The following NF1 variants were observed in gnomAD, a reference collection of about 807,000 sequenced individuals.
NF1 encodes the protein neurofibromin 1.
Under a neutral mutation model 325.7 loss-of-function variants are expected in NF1, and 122 were observed. That is an observed-to-expected ratio of 0.37 (90% confidence interval 0.32 to 0.44). The LOEUF (loss-of-function observed/expected upper bound fraction) is 0.44. Ranked by LOEUF, NF1 falls within the 20% of genes least tolerant of loss-of-function variation. NF1 has a pLI of 1.00. For synonymous variants in NF1, 1,091 were observed against 1,186.0 expected, an observed-to-expected ratio of 0.92 and a Z score of 1.65; for missense variants, 2,140 against 3,415.4, an observed-to-expected ratio of 0.63 and a Z score of 9.31.
At position 31,232,043 on chromosome 17, in the gene NF1, A is replaced by ATTTT. The variant is rs371047262; in HGVS notation, c.3198-7_3198-4dup. 1,698 of 589,480 alleles carry ATTTT rather than the reference A, an allele frequency of 2.9e-3. 16 individuals carry two copies. The highest frequency in any genetic ancestry group is 8.5e-3 in the South Asian group (385 of 45,250). The allele number at this position is 589,480 out of a possible 1,614,324, so 36.5% of individuals were successfully genotyped here. A position where few individuals can be genotyped will look rare whatever the true frequency, so the allele number is the denominator to read the frequency against. The stretch of plus-strand genomic sequence containing the variant: ...AACTTGAAAGATTCATGGTCTCTAA[A>ATTTT]TTTTTTTTTTTTTTTTTTTTTTTTT... On this transcript the variant is annotated intron_variant, in intron 24 of 57. Coordinates refer to ENST00000358273, the MANE Select transcript of NF1 (RefSeq NM_001042492.3).
chr17:31,096,971 A>G (rs1123232), intron 1 of NF1, among the ~76,000 whole-genome samples: 82,235 of 152,130 alleles, frequency 0.54, 25,966 homozygotes, highest in Middle Eastern at 0.76. Flanking sequence ...TAAAAGGCAC[A>G]TAGAAGACTT....
rs760285627 is a variant in NF1, at chr17:31,375,129, T to A, written c.*974T>A. The stretch of plus-strand genomic sequence containing the variant: ...CCCAGAAGGTAATTTTCATAGATGT[T>A]TGCATTAGCTCCATAGCAAAATGGA... On this transcript the variant is annotated 3_prime_UTR_variant, in exon 58 of 58. Transcript: ENST00000358273. 1.8e-5 allele frequency: 4 copies of A among 218,292 alleles called. No homozygotes were observed. The highest frequency in any genetic ancestry group is 3.7e-5 in the Non-Finnish European group (4 of 108,396). The allele number at this position is 218,292 out of a possible 1,614,324, so 13.5% of individuals were successfully genotyped here. A position where few individuals can be genotyped will look rare whatever the true frequency, so the allele number is the denominator to read the frequency against.
At chr17:31,250,194 A>T (rs971934968) in intron 30 of NF1, 7 of 325,744 alleles carry the variant, frequency 2.1e-5, no homozygotes, top group Non-Finnish European at 4.2e-5. Context: ...CTGCCTTTAC[A>T]AAAAGGCTCA....
At chr17:31,344,014 A>G (rs2069902811) in intron 48 of NF1, among the ~76,000 whole-genome samples, 1 of 152,082 alleles carries the variant, frequency 6.6e-6, no homozygotes, top group Admixed American at 6.6e-5. Context: ...GAGTCTGATA[A>G]TAGCTATATT....
Position 31,161,773 on chromosome 17 carries a change from C to T in NF1, c.289-1413C>T, listed in dbSNP as rs144655217. Among the ~76,000 whole-genome samples the T allele has an allele frequency of 1.3e-3, 191 of 152,258 alleles. 1 individual carries two copies. The highest frequency in any genetic ancestry group is 4.3e-3 in the African/African-American group (177 of 41,566). On this transcript the variant is annotated intron_variant, in intron 3 of 57. Coordinates refer to ENST00000358273, the MANE Select transcript of NF1 (RefSeq NM_001042492.3). ...TATACAGGCCGGGCACCATGGCTCA[C>T]GCCTGGAATCCCAGCACTTTGGGAG...
intron 8 of NF1, among the ~76,000 whole-genome samples, chr17:31,190,547 T>G (rs1370408479): frequency 6.6e-6 from 1 of 152,264 alleles, no homozygotes; most frequent in African/African-American, 2.4e-5. Flanking sequence ...GGTAACATTC[T>G]GTTACACTAA....
intron 36 of NF1, among the ~76,000 whole-genome samples, chr17:31,279,432 A>G (rs1298772056): frequency 1.3e-5 from 2 of 152,190 alleles, no homozygotes; most frequent in Admixed American, 6.5e-5. Context: ...CATTTAAAAC[A>G]TTTTAGTAGT....
intron 12 of NF1, among the ~76,000 whole-genome samples, chr17:31,212,515 C>T (rs1472623586): frequency 6.6e-6 from 1 of 152,152 alleles, no homozygotes; most frequent in Non-Finnish European, 1.5e-5. Flanking sequence ...CGAGACCAGC[C>T]TGGCCAACAT....
intron 25 of NF1, 89 bp from the exon 26 acceptor site, chr17:31,232,611 C>T: frequency 8.0e-7 from 1 of 1,251,578 alleles, no homozygotes; most frequent in Non-Finnish European, 1.2e-6. Flanking sequence ...CCATTCACAC[C>T]ATGCACATAT....
intron 36 of NF1, among the ~76,000 whole-genome samples, chr17:31,288,170 T>A (rs1288470332): frequency 6.6e-6 from 1 of 152,064 alleles, no homozygotes; most frequent in Non-Finnish European, 1.5e-5. Context: ...AAATTTAGAT[T>A]CAGAATCTCA....
chr17:31,261,382 A>C (rs2067683308), intron 34 of NF1, among the ~76,000 whole-genome samples: 1 of 152,224 alleles, frequency 6.6e-6, no homozygotes, highest in South Asian at 2.1e-4. Flanking sequence ...AAAGGGACCA[A>C]ATTCCTATGT....
At chr17:31,101,057 T>TG (rs60527146) in intron 1 of NF1, among the ~76,000 whole-genome samples, 3,549 of 152,014 alleles carry the variant, frequency 0.023, 139 homozygotes, top group African/African-American at 0.08. Flanking sequence ...TCTCTCTCTG[T>TG]GGACCAGTCT....
At chr17:31,362,465 C>T in intron 57 of NF1, 1 of 471,258 alleles carries the variant, frequency 2.1e-6, no homozygotes, top group Non-Finnish European at 2.8e-6. Flanking sequence ...AGAACCAAGG[C>T]CAGGCCCTTT....
chr17:31,129,499 A>T (rs1915171272), intron 1 of NF1, among the ~76,000 whole-genome samples: 1 of 145,834 alleles, frequency 6.9e-6, no homozygotes, highest in Non-Finnish European at 1.5e-5. Flanking sequence ...ACACGATCTC[A>T]GCTCACTGCA....
chr17:31,179,551 C>T (rs2066086874), intron 5 of NF1, among the ~76,000 whole-genome samples: 1 of 152,070 alleles, frequency 6.6e-6, no homozygotes, highest in Non-Finnish European at 1.5e-5. Flanking sequence ...AAAAACCTTT[C>T]AAAAAATCAA....
chr17:31,302,660 T>A (rs1444024845), intron 36 of NF1, among the ~76,000 whole-genome samples: 1 of 151,210 alleles, frequency 6.6e-6, no homozygotes, highest in African/African-American at 2.4e-5. Context: ...GCCAATATGG[T>A]GAAACCCCAT....
Position 31,219,797 on chromosome 17 carries a change from C to G in NF1, c.1641+679C>G, listed in dbSNP as rs1448671089. On this transcript the variant is annotated intron_variant, in intron 14 of 57. Coordinates refer to ENST00000358273, the MANE Select transcript of NF1 (RefSeq NM_001042492.3). The stretch of plus-strand genomic sequence containing the variant: ...ATGGATTTGCTTGTTTTAGATATTT[C>G]ATATAAATAGAATCATAGAATATGT... Among the ~76,000 whole-genome samples, 9 of 152,126 alleles carry G rather than the reference C, an allele frequency of 5.9e-5. No homozygotes were observed. In the South Asian group the frequency reaches 1.5e-3, roughly 25 times the overall value.
At chr17:31,182,981 G>A in intron 8 of NF1, 1 of 570,114 alleles carries the variant, frequency 1.8e-6, no homozygotes, top group Non-Finnish European at 3.1e-6. Flanking sequence ...TACAAGGATT[G>A]CCCTACTTGA....
At chr17:31,344,434 G>T (rs771797846) in intron 48 of NF1, among the ~76,000 whole-genome samples, 2 of 152,200 alleles carry the variant, frequency 1.3e-5, no homozygotes, top group Non-Finnish European at 2.9e-5. Flanking sequence ...GTAAGACCTG[G>T]GATAAGGAGC....
Sources: allele counts gnomAD v4.1 joint callset (sites outside exome capture counted in the v4.1 genomes callset), GRCh38; gene constraint gnomAD v4.1.1; transcripts MANE v1.5; gene names NCBI Gene and HGNC (gene_info 2026-07-23, HGNC 2026-07-21).